Variants in WDFY4 observed in about 807,000 individuals in gnomAD.
The protein encoded by WDFY4 is WD repeat- and FYVE domain-containing protein 4.
In WDFY4, 169 loss-of-function variants were observed where a neutral mutation model predicts 351.9. The ratio of observed to expected loss-of-function variants is 0.48; its 90% CI spans 0.42 to 0.55. The LOEUF (loss-of-function observed/expected upper bound fraction) is 0.55, where lower values mean the gene tolerates loss of function less well. WDFY4 is among the 20% of genes least tolerant of loss of function. The pLI is 0.00. For missense variants in WDFY4, 3,803 were observed against 3,935.6 expected (o/e 0.97, Z 0.90); for synonymous variants, 1,622 against 1,574.6 (o/e 1.03, Z -0.71).
At chr10:48,918,497 A>C (rs530876275) in intron 47 of WDFY4, among the ~76,000 whole-genome samples, 2 of 152,240 alleles carry the variant, frequency 1.3e-5, no homozygotes, top group African/African-American at 2.4e-5. Flanking sequence ...ACTTATTAAT[A>C]AAATGATCAT....
intron 46 of WDFY4, 48 bp downstream of exon 46, chr10:48,900,354 G>C (rs1434991872): frequency 1.3e-6 from 2 of 1,485,684 alleles, no homozygotes; most frequent in Admixed American, 4.0e-5. Context: ...CCTGAACTGA[G>C]AGCAGAGGGG....
At chr10:48,892,468 G>C (rs1836860704) in intron 44 of WDFY4, among the ~76,000 whole-genome samples, 2 of 152,228 alleles carry the variant, frequency 1.3e-5, no homozygotes, top group Admixed American at 1.3e-4. Context: ...CACTGGGGAA[G>C]TGCCCAGATA....
chr10:48,714,184 C>G (rs1484484977), intron 2 of WDFY4, among the ~76,000 whole-genome samples: 1 of 152,226 alleles, frequency 6.6e-6, no homozygotes, highest in Non-Finnish European at 1.5e-5. Context: ...CCAGGGCAGT[C>G]TGCTGTAGGT....
At chr10:48,914,118 ATCT>A (rs780876038) in intron 47 of WDFY4, 6 of 1,614,008 alleles carry the variant, frequency 3.7e-6, no homozygotes, top group Non-Finnish European at 5.1e-6. Context: ...CTTGAGGGTG[ATCT>A]TCTTGCCCTT....
At chr10:48,771,390 C>G (rs1235970240) in intron 13 of WDFY4, among the ~76,000 whole-genome samples, 1 of 152,136 alleles carries the variant, frequency 6.6e-6, no homozygotes, top group African/African-American at 2.4e-5. Flanking sequence ...GTCATGTGCT[C>G]TTGGCAATTT....
chr10:48,695,869 A>G (rs2063318751), intron 1 of WDFY4, among the ~76,000 whole-genome samples: 2 of 152,168 alleles, frequency 1.3e-5, no homozygotes, highest in Admixed American at 6.5e-5. Flanking sequence ...ACCGAGATAC[A>G]GAACCAGCCC....
intron 30 of WDFY4, among the ~76,000 whole-genome samples, chr10:48,812,251 G>A (rs1380406391): frequency 2.0e-5 from 3 of 148,256 alleles, no homozygotes; most frequent in Non-Finnish European, 3.0e-5. Context: ...GTGCAGTGGC[G>A]TGATCTCGGC....
intron 43 of WDFY4, among the ~76,000 whole-genome samples, chr10:48,886,394 A>G (rs2070455775): frequency 6.6e-6 from 1 of 152,210 alleles, no homozygotes; most frequent in Admixed American, 6.5e-5. Context: ...CTTAATTGCC[A>G]TTGTAACAGT....
chr10:48,906,395 TG>T (rs1469841828), intron 47 of WDFY4, among the ~76,000 whole-genome samples: 2 of 152,228 alleles, frequency 1.3e-5, no homozygotes, highest in Non-Finnish European at 2.9e-5. Context: ...GAAGGCTCTC[TG>T]GGCCTGAATT....
In WDFY4 at chr10:48,982,667, C is replaced by T. The variant is rs757027945; in HGVS notation, c.*92C>T. On this transcript the variant is annotated 3_prime_UTR_variant, in exon 62 of 62. Coordinates refer to ENST00000325239, the MANE Select transcript of WDFY4 (RefSeq NM_001394531.1). ...CCTGAGCTCTGCCTACAGAAGAAAC[C>T]CCCAGGGCCTCCTTCCCCACAGTTC... 8 of 1,309,328 alleles carry T rather than the reference C, an allele frequency of 6.1e-6. No homozygotes were observed. Among genetic ancestry groups the T allele is most frequent in the Admixed American group, 4.1e-5 (2 of 49,344 alleles). The allele number at this position is 1,309,328 out of a possible 1,614,324, so 81.1% of individuals were successfully genotyped here.
intron 2 of WDFY4, among the ~76,000 whole-genome samples, chr10:48,711,144 T>C (rs1229130776): frequency 6.6e-6 from 1 of 152,198 alleles, no homozygotes; most frequent in African/African-American, 2.4e-5. Context: ...ATCAGAAATA[T>C]TTAAGGGTTT....
intron 54 of WDFY4, 149 bp from the exon 55 acceptor site, chr10:48,966,377 G>A: frequency 1.2e-6 from 1 of 821,948 alleles, no homozygotes. Context: ...CTGAGGGCTG[G>A]ACCAGAGGTT....
chr10:48,833,182 A>T (rs2068256620), intron 39 of WDFY4, among the ~76,000 whole-genome samples: 1 of 150,672 alleles, frequency 6.6e-6, no homozygotes, highest in African/African-American at 2.5e-5. Flanking sequence ...TGAGAGAGAG[A>T]GAGAGAGAGA....
chr10:48,788,715 T>C (rs1350916603), intron 21 of WDFY4, 40 bp downstream of exon 21: 1 of 1,545,676 alleles, frequency 6.5e-7, no homozygotes, highest in Non-Finnish European at 8.8e-7. Flanking sequence ...TGTTGGAATC[T>C]GGTTTCATGG....
chr10:48,754,567 ATAT>A (rs1348214626), intron 12 of WDFY4, among the ~76,000 whole-genome samples: 4 of 151,196 alleles, frequency 2.6e-5, no homozygotes, highest in African/African-American at 4.8e-5. Context: ...ATTCATTATG[ATAT>A]TATTATGTTA....
rs3750868 is a variant in WDFY4 at position 48,963,797 on chromosome 10, C to A, written c.8224-45C>A. The A allele has an allele frequency of 6.5e-6, 10 of 1,536,786 alleles. No homozygotes were observed. The East Asian group carries it at 2.2e-4, about 34-fold the overall frequency. ...CAATCTGTGCAGCGAGTGCATGAGT[C>A]CATGAGTGGCCTGGGTTTTAATGCT... On this transcript the variant is annotated intron_variant, in intron 53 of 61. Coordinates refer to ENST00000325239, the MANE Select transcript of WDFY4 (RefSeq NM_001394531.1).
chr10:48,913,664 G>A (rs760308540), intron 47 of WDFY4: 2 of 1,613,816 alleles, frequency 1.2e-6, no homozygotes, highest in Admixed American at 1.7e-5. Flanking sequence ...TGGGGAGCTT[G>A]GAGATGCTCA....
intron 31 of WDFY4, 80 bp downstream of exon 31, chr10:48,814,162 C>G: frequency 7.0e-7 from 1 of 1,430,042 alleles, no homozygotes; most frequent in Non-Finnish European, 9.3e-7. Context: ...TGACTTTTCT[C>G]TTAGCATCTT....
intron 47 of WDFY4, among the ~76,000 whole-genome samples, chr10:48,911,954 T>C (rs966436450): frequency 7.9e-5 from 12 of 152,182 alleles, no homozygotes; most frequent in African/African-American, 2.9e-4. Context: ...TGGTTGACAA[T>C]GTGAGGAGAA....
Sources: allele counts gnomAD v4.1 joint callset (sites outside exome capture counted in the v4.1 genomes callset), GRCh38; gene constraint gnomAD v4.1.1; transcripts MANE v1.5; gene names NCBI Gene and HGNC (gene_info 2026-07-23, HGNC 2026-07-21).